ETFA: variants seen among roughly 807,000 people sequenced by gnomAD.
The protein encoded by ETFA is electron transfer flavoprotein subunit alpha.
A neutral mutation model predicts 46.2 loss-of-function variants in ETFA; 22 were observed. The ratio of observed to expected loss-of-function variants is 0.48; its 90% CI spans 0.34 to 0.68. The LOEUF is 0.68. ETFA is among the 30% of genes least tolerant of loss of function. The pLI is 0.01. For missense variants in ETFA, 345 were observed against 401.1 expected, an observed-to-expected ratio of 0.86 and a Z score of 1.19; for synonymous variants, 131 against 139.9, an observed-to-expected ratio of 0.94 and a Z score of 0.45.
chr15:76,271,403 T>C (rs1384250302), intron 9 of ETFA, among the ~76,000 whole-genome samples: 4 of 152,212 alleles, frequency 2.6e-5, no homozygotes, highest in Non-Finnish European at 5.9e-5. Flanking sequence ...GTTCAAGATA[T>C]ATAATCTAAA....
rs2039406737 is a variant in ETFA at position 76,261,092 on chromosome 15, A to G, written c.816+13320T>C. 2.6e-6 allele frequency: 4 copies of G among 1,522,032 alleles called. No homozygotes were observed. In the South Asian group the frequency reaches 3.4e-5, roughly 13 times the overall value. The allele number at this position is 1,522,032 out of a possible 1,614,324, so 94.3% of individuals were successfully genotyped here. A position where few individuals can be genotyped will look rare whatever the true frequency, so the allele number is the denominator to read the frequency against. On this transcript the variant is annotated intron_variant, in intron 9 of 11. Coordinates refer to ENST00000557943, the MANE Select transcript of ETFA (RefSeq NM_000126.4). ...AAGAGGCCAGGCATTTTAGGCTGTG[A>G]ACTTCACAGGAAAACATGGGTGCTC...
chr15:76,224,063 C>T (rs1215170302), intron 11 of ETFA, among the ~76,000 whole-genome samples: 2 of 152,166 alleles, frequency 1.3e-5, no homozygotes, highest in Admixed American at 6.5e-5. Flanking sequence ...TACTTGCAAA[C>T]ATGGATGAGG....
chr15:76,217,721 A>T, intron 11 of ETFA: 1 of 421,732 alleles, frequency 2.4e-6, no homozygotes, highest in South Asian at 1.6e-5. Flanking sequence ...TGGTCCAGCC[A>T]CTTGTGCAAA....
At chr15:76,291,033 TAG>T (rs2039756119) in intron 4 of ETFA, among the ~76,000 whole-genome samples, 1 of 152,078 alleles carries the variant, frequency 6.6e-6, no homozygotes, top group South Asian at 2.1e-4. Flanking sequence ...CCGCACAACA[TAG>T]GGAGACTACA....
At chr15:76,228,172 C>T (rs907856630) in intron 10 of ETFA, 7 of 362,514 alleles carry the variant, frequency 1.9e-5, no homozygotes, top group Non-Finnish European at 3.2e-5. Flanking sequence ...TTTCATTATA[C>T]TATATAACAA....
intron 9 of ETFA, among the ~76,000 whole-genome samples, chr15:76,255,628 T>C (rs1245528630): frequency 1.3e-5 from 2 of 152,364 alleles, no homozygotes; most frequent in South Asian, 2.1e-4. Flanking sequence ...TCTGTAGACA[T>C]GACTGTGTTT....
chr15:76,250,851 A>C (rs2039291805), intron 9 of ETFA, among the ~76,000 whole-genome samples: 1 of 152,034 alleles, frequency 6.6e-6, no homozygotes, highest in Non-Finnish European at 1.5e-5. Context: ...AGTAATGGTT[A>C]CTTTTGAGGG....
chr15:76,216,960 C>T (rs2038903217), intron 11 of ETFA, among the ~76,000 whole-genome samples: 1 of 151,420 alleles, frequency 6.6e-6, no homozygotes, highest in Non-Finnish European at 1.5e-5. Context: ...CTCCTCCCAC[C>T]TCAGCCTCCC....
chr15:76,234,908 G>A (rs182770145), intron 9 of ETFA, among the ~76,000 whole-genome samples: 153 of 152,324 alleles, frequency 1.0e-3, no homozygotes, highest in Non-Finnish European at 1.7e-3. Flanking sequence ...CTCAGGGGCT[G>A]AGGTCTAAAC....
At chr15:76,290,098 G>GT (rs1027280425) in intron 4 of ETFA, among the ~76,000 whole-genome samples, 7 of 152,154 alleles carry the variant, frequency 4.6e-5, no homozygotes, top group Non-Finnish European at 8.8e-5. Flanking sequence ...TGACAATTAA[G>GT]TAATAGGTAT....
intron 8 of ETFA, among the ~76,000 whole-genome samples, chr15:76,278,307 CCT>C (rs987402467): frequency 1.3e-5 from 2 of 152,190 alleles, no homozygotes; most frequent in African/African-American, 2.4e-5. Context: ...CTCCAACATT[CCT>C]CTGACCCCAC....
chr15:76,261,820 C>G (rs2039417272), intron 9 of ETFA: 1 of 175,690 alleles, frequency 5.7e-6, no homozygotes, highest in Admixed American at 5.8e-5. Flanking sequence ...CCATTATTTT[C>G]TAAATGAACA....
At chr15:76,266,755 T>C (rs1376444709) in intron 9 of ETFA, among the ~76,000 whole-genome samples, 1 of 151,870 alleles carries the variant, frequency 6.6e-6, no homozygotes, top group Non-Finnish European at 1.5e-5. Context: ...TACAAAAAAA[T>C]TCGTTGGGTG....
intron 11 of ETFA, 110 bp from the exon 12 acceptor site, chr15:76,216,707 G>A: frequency 1.3e-6 from 1 of 750,548 alleles, no homozygotes; most frequent in Non-Finnish European, 2.4e-6. Context: ...AATCACTGTT[G>A]AGGCACGAGG....
chr15:76,288,716 G>GA (rs201904436), intron 4 of ETFA, among the ~76,000 whole-genome samples: 52,951 of 116,586 alleles, frequency 0.45, 9,940 homozygotes, highest in East Asian at 0.61. Flanking sequence ...TGCCTCAAAA[G>GA]AAAAAAAAAA....
At chr15:76,303,543 T>TA (rs1307729581) in intron 1 of ETFA, among the ~76,000 whole-genome samples, 20 of 151,038 alleles carry the variant, frequency 1.3e-4, no homozygotes, top group Admixed American at 5.9e-4. Context: ...TACAGAATGG[T>TA]AAAAAAAAAT....
intron 1 of ETFA, among the ~76,000 whole-genome samples, chr15:76,301,535 A>T (rs3927263): frequency 0.28 from 42,955 of 151,906 alleles, 6,484 homozygotes; most frequent in East Asian, 0.57. Context: ...GTAGAGTGAA[A>T]CCCCATTTCT....
intron 1 of ETFA, among the ~76,000 whole-genome samples, chr15:76,310,750 G>T (rs1433312337): frequency 1.3e-5 from 2 of 152,188 alleles, no homozygotes; most frequent in Admixed American, 1.3e-4. Context: ...TGTCAAATCG[G>T]ATCGCAGGTT....
At chr15:76,250,951 G>A (rs961146129) in intron 9 of ETFA, among the ~76,000 whole-genome samples, 3 of 151,632 alleles carry the variant, frequency 2.0e-5, no homozygotes, top group African/African-American at 7.3e-5. Context: ...GAAAACATTA[G>A]TGTTTATTAT....
Sources: allele counts gnomAD v4.1 joint callset (sites outside exome capture counted in the v4.1 genomes callset), GRCh38; gene constraint gnomAD v4.1.1; transcripts MANE v1.5; gene names NCBI Gene and HGNC (gene_info 2026-07-23, HGNC 2026-07-21).